Variants in NETO2 observed in about 807,000 individuals in gnomAD.
NETO2 encodes the protein neuropilin and tolloid-like protein 2.
Under a neutral mutation model 62.5 loss-of-function variants are expected in NETO2, and 28 were observed. The ratio of observed to expected loss-of-function variants is 0.45; its 90% CI spans 0.33 to 0.61. The LOEUF (loss-of-function observed/expected upper bound fraction) is 0.61. Among genes scored for constraint, NETO2 ranks in the 20% least tolerant of loss-of-function variants. NETO2 has a pLI of 0.02. For missense variants in NETO2, 548 were observed against 643.2 expected (o/e 0.85, Z 1.60); for synonymous variants, 214 against 219.1 (o/e 0.98, Z 0.21).
At chr16:47,134,957 T>C (rs1265743722) in intron 1 of NETO2, among the ~76,000 whole-genome samples, 4 of 152,200 alleles carry the variant, frequency 2.6e-5, no homozygotes, top group Non-Finnish European at 5.9e-5. Context: ...TCTTTTTTTC[T>C]CAAGTAATTA....
chr16:47,104,729 T>C (rs541478811), intron 7 of NETO2, among the ~76,000 whole-genome samples: 1 of 149,604 alleles, frequency 6.7e-6, no homozygotes, highest in Middle Eastern at 3.5e-3. Flanking sequence ...ACATAATTTC[T>C]TTTTTTTTTG....
At chr16:47,134,203 G>C (rs1964325651) in intron 1 of NETO2, among the ~76,000 whole-genome samples, 1 of 152,216 alleles carries the variant, frequency 6.6e-6, no homozygotes. Context: ...AAATGGTTAA[G>C]AGGTAGCTCT....
At chr16:47,107,623 G>T (rs568470484) in intron 7 of NETO2, among the ~76,000 whole-genome samples, 273 of 152,276 alleles carry the variant, frequency 1.8e-3, no homozygotes, top group Middle Eastern at 0.01. Context: ...GAAAACACTA[G>T]TTGAGCCTGG....
intron 6 of NETO2, among the ~76,000 whole-genome samples, chr16:47,112,694 T>G (rs1397476720): frequency 6.6e-6 from 1 of 152,224 alleles, no homozygotes; most frequent in Non-Finnish European, 1.5e-5. Context: ...TTTTAAAATT[T>G]GATCCAATTC....
chr16:47,100,988 A>G (rs921505722), intron 7 of NETO2, among the ~76,000 whole-genome samples: 1 of 152,230 alleles, frequency 6.6e-6, no homozygotes, highest in Non-Finnish European at 1.5e-5. Context: ...AACCTGGCAG[A>G]GACACAACAA....
At chr16:47,096,660 CAAAG>C (rs1326912462) in intron 7 of NETO2, among the ~76,000 whole-genome samples, 1 of 152,170 alleles carries the variant, frequency 6.6e-6, no homozygotes, top group African/African-American at 2.4e-5. Context: ...AACTTCTCAA[CAAAG>C]AAAGGCTCTG....
intron 7 of NETO2, among the ~76,000 whole-genome samples, chr16:47,096,276 T>C (rs764471935): frequency 1.6e-4 from 24 of 151,944 alleles, no homozygotes; most frequent in Non-Finnish European, 3.2e-4. Context: ...ACAAACTAAA[T>C]CCAAAGCTAG....
intron 7 of NETO2, among the ~76,000 whole-genome samples, chr16:47,087,098 G>C (rs1963208136): frequency 6.6e-6 from 1 of 150,794 alleles, no homozygotes; most frequent in South Asian, 2.1e-4. Flanking sequence ...GCATGATCTT[G>C]GCTCACTGCA....
At chr16:47,118,861 A>G (rs1001477024) in intron 6 of NETO2, among the ~76,000 whole-genome samples, 6 of 151,928 alleles carry the variant, frequency 3.9e-5, no homozygotes, top group African/African-American at 1.2e-4. Flanking sequence ...ATCAAACCAA[A>G]CAAATAAATA....
intron 7 of NETO2, among the ~76,000 whole-genome samples, chr16:47,104,001 T>C (rs544147976): frequency 1.3e-5 from 2 of 152,308 alleles, no homozygotes; most frequent in African/African-American, 2.4e-5. Context: ...ATTGAATATA[T>C]ACTGGAAGTT....
In NETO2 at chr16:47,080,461, A is replaced by G. The variant is rs1295703793; in HGVS notation, c.*2760T>C. 1 of 152,126 alleles carries G rather than the reference A, an allele frequency of 6.6e-6. No homozygotes were observed. Among genetic ancestry groups the G allele is most frequent in the Non-Finnish European group, 1.5e-5 (1 of 68,012 alleles). The allele number at this position is 152,126 out of a possible 1,614,324, so 9.4% of individuals were successfully genotyped here. ...TCTGTTATTAAATTTTATGGCTTTC[A>G]TTTTAGTAAGCAATTTATAAAGTTT... is the stretch of plus-strand genomic sequence containing the variant. On this transcript the variant is annotated 3_prime_UTR_variant, in exon 9 of 9. Transcript: ENST00000562435.
rs150622708 is a variant in NETO2 at position 47,132,735 on chromosome 16, C to T, written c.35-710G>A. Among the ~76,000 whole-genome samples, 36 of 152,322 alleles carry T rather than the reference C, an allele frequency of 2.4e-4. No homozygotes were observed. The East Asian group carries it at 4.1e-3, about 17-fold the overall frequency. ...ACTGCCAGCCTGTCCCGAACTACTG[C>T]GTGAACTGGAGTTATTCATTCAGTG... is the stretch of plus-strand genomic sequence containing the variant. On this transcript the variant is annotated intron_variant, in intron 1 of 8. Coordinates refer to ENST00000562435, the MANE Select transcript of NETO2 (RefSeq NM_018092.5).
intron 7 of NETO2, among the ~76,000 whole-genome samples, chr16:47,091,991 C>T (rs977963500): frequency 1.3e-5 from 2 of 151,826 alleles, no homozygotes; most frequent in East Asian, 3.9e-4. Flanking sequence ...CACAGGTTTG[C>T]ACCACCATGC....
intron 8 of NETO2, 26 bp from the exon 9 acceptor site, chr16:47,083,827 A>C (rs1469814582): frequency 4.6e-6 from 7 of 1,508,496 alleles, no homozygotes; most frequent in Non-Finnish European, 6.3e-6. Flanking sequence ...GAGAAACGTT[A>C]AGTTTTCAAA....
chr16:47,118,562 T>C (rs1020657276), intron 6 of NETO2, among the ~76,000 whole-genome samples: 1 of 152,208 alleles, frequency 6.6e-6, no homozygotes, highest in Non-Finnish European at 1.5e-5. Flanking sequence ...TCTCCAAACA[T>C]CACCATTTAT....
intron 1 of NETO2, among the ~76,000 whole-genome samples, chr16:47,139,170 T>C (rs576088414): frequency 6.6e-6 from 1 of 152,342 alleles, no homozygotes; most frequent in South Asian, 2.1e-4. Flanking sequence ...TCAACAGTAT[T>C]CAATACAGAC....
chr16:47,109,406 AAAGT>A, intron 7 of NETO2, 73 bp downstream of exon 7: 3 of 879,350 alleles, frequency 3.4e-6, no homozygotes, highest in Non-Finnish European at 5.0e-6. Context: ...ATATTTTAAA[AAAGT>A]AAATGCTGAG....
rs1461890326 is a variant in NETO2, at chr16:47,079,897, T to G, written c.*3324A>C. On this transcript the variant is annotated 3_prime_UTR_variant, in exon 9 of 9. Transcript: ENST00000562435. ...ATTCCTGAAATCACAACCAGGCTTC[T>G]CCCGTCCCCTCTCATCAGTGAACAC... 1 of 152,210 alleles carries G rather than the reference T, an allele frequency of 6.6e-6. No individual in the cohort carries two copies. The highest frequency in any genetic ancestry group is 1.5e-5 in the Non-Finnish European group (1 of 68,058). 9.4% of individuals were successfully genotyped at this position (152,210 alleles called of 1,614,324 possible).
chr16:47,091,325 C>T (rs1040373905), intron 7 of NETO2, among the ~76,000 whole-genome samples: 6 of 152,044 alleles, frequency 3.9e-5, no homozygotes, highest in Admixed American at 2.6e-4. Flanking sequence ...GGCTTTTCAC[C>T]TGTTTAATTA....
Sources: allele counts gnomAD v4.1 joint callset (sites outside exome capture counted in the v4.1 genomes callset), GRCh38; gene constraint gnomAD v4.1.1; transcripts MANE v1.5; gene names NCBI Gene and HGNC (gene_info 2026-07-23, HGNC 2026-07-21).